Variants in LCT observed in about 807,000 individuals in gnomAD.
LCT encodes the protein lactase, also known as lactase/phlorizin hydrolase.
A neutral mutation model predicts 173.0 loss-of-function variants in LCT; 90 were observed. The observed-to-expected ratio is 0.52, with a 90% CI of 0.44 to 0.62. LCT has a LOEUF of 0.62. Among genes scored for constraint, LCT ranks in the 20% least tolerant of loss-of-function variants. The probability of loss-of-function intolerance (pLI) is 0.00; values close to 1 mark genes in which losing one functional copy is unlikely to be tolerated. For missense variants in LCT, 1,864 were observed against 2,431.4 expected (o/e 0.77, Z 4.91); for synonymous variants, 853 against 957.6 (o/e 0.89, Z 2.02).
intron 6 of LCT, among the ~76,000 whole-genome samples, chr2:135,816,290 T>C (rs2077780871): frequency 6.6e-6 from 1 of 152,174 alleles, no homozygotes; most frequent in African/African-American, 2.4e-5. Context: ...GAGTAAAGCA[T>C]GGGTCCTTGG....
At chr2:135,812,195 A>G in intron 7 of LCT, 116 bp downstream of exon 7, 1 of 877,012 alleles carries the variant, frequency 1.1e-6, no homozygotes, top group South Asian at 1.3e-5. Context: ...CCCCACTATT[A>G]TGCTTTCTTT....
intron 6 of LCT, among the ~76,000 whole-genome samples, chr2:135,813,685 T>C (rs553332074): frequency 6.6e-6 from 1 of 152,358 alleles, no homozygotes; most frequent in South Asian, 2.1e-4. Flanking sequence ...CCAAGCCTGT[T>C]ACTGTTACCC....
At chr2:135,791,344 G>A (rs2077531963) in intron 14 of LCT, among the ~76,000 whole-genome samples, 1 of 152,180 alleles carries the variant, frequency 6.6e-6, no homozygotes, top group African/African-American at 2.4e-5. Context: ...ATATTTGTAG[G>A]GGCCCTGCTT....
intron 8 of LCT, among the ~76,000 whole-genome samples, chr2:135,807,699 C>T (rs1358711499): frequency 1.3e-5 from 2 of 152,062 alleles, no homozygotes; most frequent in African/African-American, 4.8e-5. Flanking sequence ...GTCCTAGCTA[C>T]TGGGGAGGCT....
intron 3 of LCT, among the ~76,000 whole-genome samples, chr2:135,827,660 C>T (rs993054432): frequency 1.4e-4 from 22 of 152,148 alleles, no homozygotes; most frequent in African/African-American, 5.3e-4. Flanking sequence ...CAACCTGGAT[C>T]CCTCGCATGC....
At chr2:135,794,331 C>A in intron 14 of LCT, 5 of 273,118 alleles carry the variant, frequency 1.8e-5, no homozygotes, top group South Asian at 7.5e-5. Flanking sequence ...TTTTAACAAC[C>A]AAGCATTTTT....
At position 135,809,263 on chromosome 2, in the gene LCT, C is replaced by T; in HGVS notation, c.3084G>A (p.Gln1028=). ...LFHWDLPQAL[Q]DIGGWENPAL... is the part of the protein sequence containing the mutation. Reference sequence around the variant, plus strand: ...CAGGATTCTCCCAGCCTCCGATATCCTGGAGGGCCTGGGGCAGGTCCCAAT... The same window carrying T: ...CAGGATTCTCCCAGCCTCCGATATCTTGGAGGGCCTGGGGCAGGTCCCAAT... Residue 1028 remains glutamine (Q), a synonymous_variant, in exon 8 of 17, where the codon CAG becomes CAA. Transcript: ENST00000264162. This position sits in a 1 kb window ranked among gnomAD's most constrained non-coding sequence, Gnocchi z 5.5. 3 of 1,614,150 alleles carry T rather than the reference C, an allele frequency of 1.9e-6. No homozygotes were observed. The highest frequency in any genetic ancestry group is 1.1e-5 in the South Asian group (1 of 91,082).
At chr2:135,799,763 T>A (rs1215896379) in intron 12 of LCT, among the ~76,000 whole-genome samples, 3 of 152,218 alleles carry the variant, frequency 2.0e-5, no homozygotes, top group Non-Finnish European at 4.4e-5. Flanking sequence ...TTCCTAGTAA[T>A]GTCTCTACTT....
At chr2:135,819,923 C>T (rs2077813942) in intron 5 of LCT, among the ~76,000 whole-genome samples, 1 of 152,144 alleles carries the variant, frequency 6.6e-6, no homozygotes, top group Non-Finnish European at 1.5e-5. Flanking sequence ...ACTTGCTGTA[C>T]AGGCTTGGAG....
intron 6 of LCT, among the ~76,000 whole-genome samples, chr2:135,817,091 G>A (rs1259832079): frequency 2.0e-5 from 3 of 151,986 alleles, no homozygotes; most frequent in South Asian, 4.2e-4. Flanking sequence ...GTCTGGTCTC[G>A]AACTCCTGGA....
intron 6 of LCT, among the ~76,000 whole-genome samples, chr2:135,815,906 C>T (rs1250123045): frequency 6.6e-6 from 1 of 152,016 alleles, no homozygotes; most frequent in African/African-American, 2.4e-5. Flanking sequence ...ACCATGTTGG[C>T]CAGGCTGGTC....
chr2:135,807,375 T>A lies in LCT; in HGVS notation c.3926A>T (p.Asp1309Val). 1 of 1,613,956 alleles carries A rather than the reference T, an allele frequency of 6.2e-7. No individual in the cohort carries two copies. The highest frequency in any genetic ancestry group is 8.5e-7 in the Non-Finnish European group (1 of 1,179,968). Residue 1309 changes from aspartate (D) to valine (V), a missense_variant, in exon 9 of 17, where the codon GAC (aspartate) becomes GTC (valine). By Grantham distance (152) the Asp-to-Val change is radical (BLOSUM62 -3). Coordinates refer to ENST00000264162, the MANE Select transcript of LCT (RefSeq NM_002299.4). Reference sequence around the variant, plus strand: ...AGACCAGGCGACATACCCTCGAAGGTCTATACCATCGAGCCTGTAGGCTGG... The same window carrying A: ...AGACCAGGCGACATACCCTCGAAGGACTATACCATCGAGCCTGTAGGCTGG... ...ALKAYRLDGIDLRGYVAWSLM... is the reference protein window; with the variant it reads ...ALKAYRLDGIVLRGYVAWSLM...
Position 135,808,819 on chromosome 2 carries a change from A to C in LCT, c.3528T>G (p.Ser1176Arg). 6.2e-7 allele frequency: 1 copy of C among 1,613,512 alleles called. No homozygotes were observed. The highest frequency in any genetic ancestry group is 8.5e-7 in the Non-Finnish European group (1 of 1,179,752). The change falls in exon 8 of 17, where the codon AGT (serine) becomes AGG (arginine). Residue 1176 changes from serine to arginine, a missense_variant. Transcript: ENST00000264162. ...GGGAGGTGGCTAAGTGCTGCAGTTC[A>C]CTCCTGTTCCCCACTTTCCACTTCA... ...DTMKWKVGNR[S>R]ELQHLATSRL...
chr2:135,795,036 C>CGT (rs916308553), intron 13 of LCT, among the ~76,000 whole-genome samples: 2 of 150,588 alleles, frequency 1.3e-5, no homozygotes, highest in Non-Finnish European at 3.0e-5. Flanking sequence ...CGCACCCACG[C>CGT]GCGCGCGCGC....
intron 13 of LCT, among the ~76,000 whole-genome samples, chr2:135,797,096 C>T (rs371279323): frequency 4.6e-5 from 7 of 151,944 alleles, no homozygotes; most frequent in South Asian, 4.2e-4. Context: ...TACAGGCCCC[C>T]GCCACCGCAC....
intron 5 of LCT, among the ~76,000 whole-genome samples, chr2:135,821,264 T>C (rs1575345187): frequency 6.6e-6 from 1 of 152,176 alleles, no homozygotes; most frequent in Non-Finnish European, 1.5e-5. Flanking sequence ...AACCCCACCA[T>C]AGATTCAAAC....
Position 135,817,727 on chromosome 2 carries a change from C to G in LCT, c.1321G>C (p.Ala441Pro). The change falls in exon 6 of 17, where the codon GCC (alanine) becomes CCC (proline). Residue 441 changes from alanine (A) to proline (P), a missense_variant. By Grantham distance (27) the Ala-to-Pro change is conservative (BLOSUM62 -1). Transcript: ENST00000264162. ...DSYHKVASDVALLCGLRAQVY... is the reference protein window; with the variant it reads ...DSYHKVASDVPLLCGLRAQVY... ...TGAGCCCGGAGGCCGCAAAGCAGGGCGACGTCAGAGGCTACCTTGTGGTAA... is the reference window on the plus strand; with the variant it reads ...TGAGCCCGGAGGCCGCAAAGCAGGGGGACGTCAGAGGCTACCTTGTGGTAA... 1 of 1,614,018 alleles carries G rather than the reference C, an allele frequency of 6.2e-7. No homozygotes were observed. The highest frequency in any genetic ancestry group is 8.5e-7 in the Non-Finnish European group (1 of 1,180,036).
intron 7 of LCT, 85 bp downstream of exon 7, chr2:135,812,226 C>T (rs2077740037): frequency 2.6e-6 from 3 of 1,142,866 alleles, no homozygotes; most frequent in East Asian, 2.3e-5. Context: ...CTCTAGGAGA[C>T]TTTCTTTGTC....
In LCT at chr2:135,807,321, C is replaced by T. The variant is rs777396160; in HGVS notation, c.3980G>A (p.Gly1327Asp). ...GTACAGTCCAAACTTGACCGTGTAGCCATTTAGCCACTCAAAGTTGTCCAT... is the reference window on the plus strand; with the variant it reads ...GTACAGTCCAAACTTGACCGTGTAGTCATTTAGCCACTCAAAGTTGTCCAT... ...SLMDNFEWLNGYTVKFGLYHV... is the reference protein window; with the variant it reads ...SLMDNFEWLNDYTVKFGLYHV... Residue 1327 changes from glycine to aspartate, a missense_variant, in exon 9 of 17, where the codon GGC (glycine) becomes GAC (aspartate). This residue lies in a region of LCT where 755 missense variants were observed against 926.3 expected (regional missense o/e 0.82). Transcript: ENST00000264162. 2 of 1,614,166 alleles carry T rather than the reference C, an allele frequency of 1.2e-6. No individual in the cohort carries two copies. Among genetic ancestry groups the T allele is most frequent in the East Asian group, 2.2e-5 (1 of 44,882 alleles).
Sources: allele counts gnomAD v4.1 joint callset (sites outside exome capture counted in the v4.1 genomes callset), GRCh38; gene constraint gnomAD v4.1.1; regional missense constraint gnomAD v4.1.1; non-coding constraint Gnocchi (gnomAD v3.1); transcripts MANE v1.5; gene names NCBI Gene and HGNC (gene_info 2026-07-23, HGNC 2026-07-21).